Variants in MIGA1 observed in about 807,000 individuals in gnomAD.
MIGA1 encodes the protein mitoguardin 1, also known as family with sequence similarity 73, member A.
A neutral mutation model predicts 82.0 loss-of-function variants in MIGA1; 58 were observed. That is an observed-to-expected ratio of 0.71 (90% CI 0.57 to 0.88). MIGA1 has a LOEUF of 0.88. Among genes scored for constraint, MIGA1 ranks in the 40% least tolerant of loss-of-function variants. The pLI is 0.00. For synonymous variants in MIGA1, 249 were observed against 253.6 expected (o/e 0.98, Z 0.17); for missense variants, 751 against 749.1 (o/e 1.00, Z -0.03).
At chr1:77,859,184 A>G (rs1685374382) in intron 9 of MIGA1, 128 bp downstream of exon 9, 1 of 980,680 alleles carries the variant, frequency 1.0e-6, no homozygotes, top group Admixed American at 2.0e-5. Flanking sequence ...TTATTTTTAC[A>G]TGTTCTGTCA....
chr1:77,812,950 T>G (rs114794270), intron 5 of MIGA1, among the ~76,000 whole-genome samples: 49 of 152,294 alleles, frequency 3.2e-4, no homozygotes, highest in African/African-American at 1.1e-3. Flanking sequence ...GGCTTTTATT[T>G]TAGACTTCTA....
intron 7 of MIGA1, among the ~76,000 whole-genome samples, chr1:77,836,198 A>G (rs894062623): frequency 6.6e-6 from 1 of 152,180 alleles, no homozygotes; most frequent in African/African-American, 2.4e-5. Context: ...AAAAAGGGAA[A>G]AGAAAGAAAG....
intron 12 of MIGA1, among the ~76,000 whole-genome samples, chr1:77,862,626 G>A (rs893501957): frequency 2.0e-5 from 3 of 151,744 alleles, no homozygotes; most frequent in African/African-American, 7.3e-5. Flanking sequence ...GCGCATGCCT[G>A]TAATCCCAGC....
At position 77,858,969 on chromosome 1, in the gene MIGA1, A is replaced by G. The variant is rs751069244; in HGVS notation, c.1028A>G (p.Tyr343Cys). The G allele has an allele frequency of 1.2e-6, 2 of 1,613,762 alleles. No individual in the cohort carries two copies. Among genetic ancestry groups the G allele is most frequent in the East Asian group, 2.2e-5 (1 of 44,880 alleles). The change falls in exon 9 of 16, where the codon TAC (tyrosine) becomes TGC (cysteine). Residue 343 changes from tyrosine (Y) to cysteine (C), a missense_variant. Tyr to Cys is a radical substitution (Grantham distance 194). Transcript: ENST00000370791. ...GAACACAGAGAAGTACGGCATACCTACAGCCTGGAGTCCCTTTGTCACTGC... is the reference window on the plus strand; with the variant it reads ...GAACACAGAGAAGTACGGCATACCTGCAGCCTGGAGTCCCTTTGTCACTGC...
At chr1:77,859,291 T>C in intron 9 of MIGA1, 23 bp from the exon 10 acceptor site, 1 of 1,580,172 alleles carries the variant, frequency 6.3e-7, no homozygotes, top group Non-Finnish European at 8.7e-7. Context: ...GTTTAACAAT[T>C]GTCTCCCCTG....
chr1:77,869,406 A>T (rs934893492), intron 14 of MIGA1, among the ~76,000 whole-genome samples: 47 of 149,000 alleles, frequency 3.2e-4, no homozygotes, highest in African/African-American at 1.2e-3. Context: ...CTGCCTTTCT[A>T]TTCCACAAAA....
In MIGA1 at chr1:77,877,326, A is replaced by T. The variant is rs1453640777; in HGVS notation, c.*2262A>T. 1 of 152,194 alleles carries T rather than the reference A, an allele frequency of 6.6e-6. No individual in the cohort carries two copies. The highest frequency in any genetic ancestry group is 2.4e-5 in the African/African-American group (1 of 41,458). The allele number at this position is 152,194 out of a possible 1,614,324, so 9.4% of individuals were successfully genotyped here. A position where few individuals can be genotyped will look rare whatever the true frequency, so the allele number is the denominator to read the frequency against. On this transcript the variant is annotated 3_prime_UTR_variant, in exon 16 of 16. Coordinates refer to ENST00000370791, the MANE Select transcript of MIGA1 (RefSeq NM_198549.4). ...GATCATGCTGTTTTGCATGTACTTT[A>T]TAGGTTATATAGCATGAAACATACA...
chr1:77,835,556 C>G (rs1684394534), intron 7 of MIGA1, among the ~76,000 whole-genome samples: 1 of 152,040 alleles, frequency 6.6e-6, no homozygotes, highest in South Asian at 2.1e-4. Flanking sequence ...AAATGAACTT[C>G]TAATGTTCAT....
chr1:77,828,918 C>T (rs1009275989), intron 7 of MIGA1, among the ~76,000 whole-genome samples: 2 of 152,276 alleles, frequency 1.3e-5, no homozygotes, highest in South Asian at 2.1e-4. Flanking sequence ...CTCAAGTGGT[C>T]GTCCTGCCTC....
At position 77,878,666 on chromosome 1, in the gene MIGA1, T is replaced by C. The variant is rs1287786476; in HGVS notation, c.*3602T>C. 1 of 337,918 alleles carries C rather than the reference T, an allele frequency of 3.0e-6. No individual in the cohort carries two copies. Among genetic ancestry groups the C allele is most frequent in the Non-Finnish European group, 5.4e-6 (1 of 186,684 alleles). 20.9% of individuals were successfully genotyped at this position (337,918 alleles called of 1,614,324 possible). On this transcript the variant is annotated 3_prime_UTR_variant, in exon 16 of 16. Transcript: ENST00000370791. ...AGAAAGAAGATAAATTTTGAGGCAA[T>C]TTACATTTGGTATTTCTTTTAATTT...
At chr1:77,808,718 C>A (rs1453651814) in intron 5 of MIGA1, among the ~76,000 whole-genome samples, 1 of 152,128 alleles carries the variant, frequency 6.6e-6, no homozygotes, top group African/African-American at 2.4e-5. Flanking sequence ...AAAACAAAAC[C>A]AGTAAACTTG....
At chr1:77,780,947 C>T (rs1171653395) in intron 1 of MIGA1, among the ~76,000 whole-genome samples, 1 of 147,690 alleles carries the variant, frequency 6.8e-6, no homozygotes, top group Non-Finnish European at 1.5e-5. Context: ...GGCTCTGTCG[C>T]CCAGGCTGGA....
chr1:77,833,427 C>A (rs865861990), intron 7 of MIGA1, among the ~76,000 whole-genome samples: 5 of 152,112 alleles, frequency 3.3e-5, no homozygotes, highest in Middle Eastern at 3.2e-3. Context: ...GAGAAGAAAG[C>A]AATATAATGA....
chr1:77,819,381 T>G (rs1199888968), intron 7 of MIGA1, among the ~76,000 whole-genome samples: 1 of 151,640 alleles, frequency 6.6e-6, no homozygotes, highest in East Asian at 2.0e-4. Context: ...CCTCCTGGGT[T>G]CAAGCAATTC....
At chr1:77,820,767 A>G (rs931579467) in intron 7 of MIGA1, among the ~76,000 whole-genome samples, 7 of 152,162 alleles carry the variant, frequency 4.6e-5, no homozygotes, top group Non-Finnish European at 8.8e-5. Flanking sequence ...GTCCTTCTCA[A>G]TGGGCCTTTG....
At chr1:77,869,547 A>C (rs1685822983) in intron 14 of MIGA1, among the ~76,000 whole-genome samples, 1 of 132,594 alleles carries the variant, frequency 7.5e-6, no homozygotes, top group Non-Finnish European at 1.6e-5. Flanking sequence ...CACCTCCCGG[A>C]TGGGGCGGCT....
At chr1:77,851,620 T>A (rs1570996497) in intron 8 of MIGA1, among the ~76,000 whole-genome samples, 1 of 152,192 alleles carries the variant, frequency 6.6e-6, no homozygotes, top group Non-Finnish European at 1.5e-5. Flanking sequence ...AATAAATGTT[T>A]CTAAGCTGGC....
At chr1:77,821,157 T>C (rs1683792907) in intron 7 of MIGA1, among the ~76,000 whole-genome samples, 1 of 151,938 alleles carries the variant, frequency 6.6e-6, no homozygotes, top group African/African-American at 2.4e-5. Context: ...AGATAATAAA[T>C]TCTGGACATT....
At chr1:77,849,188 C>T (rs1303195120) in intron 8 of MIGA1, among the ~76,000 whole-genome samples, 1 of 152,098 alleles carries the variant, frequency 6.6e-6, no homozygotes, top group African/African-American at 2.4e-5. Flanking sequence ...TCACTTGAGG[C>T]CAGGCATTCA....
Sources: allele counts gnomAD v4.1 joint callset (sites outside exome capture counted in the v4.1 genomes callset), GRCh38; gene constraint gnomAD v4.1.1; transcripts MANE v1.5; gene names NCBI Gene and HGNC (gene_info 2026-07-23, HGNC 2026-07-21).